CSNK1E: variants seen among roughly 807,000 people sequenced by gnomAD.
CSNK1E encodes casein kinase I isoform epsilon.
A neutral mutation model predicts 46.1 loss-of-function variants in CSNK1E; 17 were observed. The ratio of observed to expected loss-of-function variants is 0.37; its 90% CI spans 0.25 to 0.55. The LOEUF is 0.55. Ranked by LOEUF, CSNK1E falls within the 20% of genes least tolerant of loss-of-function variation. The pLI is 0.82. For missense variants in CSNK1E, 386 were observed against 595.4 expected, an observed-to-expected ratio of 0.65 and a Z score of 3.66; for synonymous variants, 241 against 242.6, an observed-to-expected ratio of 0.99 and a Z score of 0.06.
Position 38,298,333 on chromosome 22 carries a change from G to A in CSNK1E, c.885+453C>T, listed in dbSNP as rs2092652164. 1.6e-6 allele frequency: 1 copy of A among 613,468 alleles called. No individual in the cohort carries two copies. Among genetic ancestry groups the A allele is most frequent in the Admixed American group, 3.1e-5 (1 of 32,498 alleles). The allele number at this position is 613,468 out of a possible 1,614,324, so 38.0% of individuals were successfully genotyped here. A position where few individuals can be genotyped will look rare whatever the true frequency, so the allele number is the denominator to read the frequency against. ...CTTAAAAGAGGGAAACAGAACAACT[G>A]CCTAGCCAGACCCAGGGGCCCATGA... On this transcript the variant is annotated intron_variant, in intron 7 of 10. Coordinates refer to ENST00000396832, the MANE Select transcript of CSNK1E (RefSeq NM_152221.3). This position sits in a 1 kb window ranked among gnomAD's most constrained non-coding sequence, Gnocchi z 4.2.
At chr22:38,311,483 T>TCTCC (rs2092720766) in intron 2 of CSNK1E, among the ~76,000 whole-genome samples, 1 of 151,830 alleles carries the variant, frequency 6.6e-6, no homozygotes, top group South Asian at 2.1e-4. Context: ...GCCATGGGCC[T>TCTCC]GTCTCCTGTC....
In CSNK1E at chr22:38,294,608, C is replaced by T. The variant is rs1209999547; in HGVS notation, c.886-74G>A. The T allele has an allele frequency of 2.8e-6, 4 of 1,406,422 alleles. No homozygotes were observed. The highest frequency in any genetic ancestry group is 3.8e-6 in the Non-Finnish European group (4 of 1,049,528). 87.1% of individuals were successfully genotyped at this position (1,406,422 alleles called of 1,614,324 possible). On this transcript the variant is annotated intron_variant, in intron 7 of 10. Coordinates refer to ENST00000396832, the MANE Select transcript of CSNK1E (RefSeq NM_152221.3). The surrounding 1 kb of genome is among the most constrained non-coding windows in gnomAD (Gnocchi z 5.5). Reference sequence around the variant, plus strand: ...CTCTGGGCCCAGCAGCCCTGCAGGGCACAGAAGGGGAGGGAGGCCAGGTGG... The same window carrying T: ...CTCTGGGCCCAGCAGCCCTGCAGGGTACAGAAGGGGAGGGAGGCCAGGTGG...
chr22:38,310,429 T>C (rs756985861), intron 2 of CSNK1E, among the ~76,000 whole-genome samples: 1 of 152,102 alleles, frequency 6.6e-6, no homozygotes, highest in Non-Finnish European at 1.5e-5. Context: ...ATCGGGGACA[T>C]GGGTGGACTG....
At position 38,314,069 on chromosome 22, in the gene CSNK1E, T is replaced by A. The variant is rs180982614; in HGVS notation, c.76+13A>T. ...TGGCCCCAGGGGCTCCAGCTGGAGC[T>A]AGGAACACTTACCCAGGTAGATATC... On this transcript the variant is annotated intron_variant, in intron 2 of 10. Coordinates refer to ENST00000396832, the MANE Select transcript of CSNK1E (RefSeq NM_152221.3). 136 of 1,612,058 alleles carry A rather than the reference T, an allele frequency of 8.4e-5. 1 individual carries two copies. In the African/African-American group the frequency reaches 1.4e-3, roughly 17 times the overall value.
chr22:38,301,407 T>G (rs970539919), intron 4 of CSNK1E, among the ~76,000 whole-genome samples: 5 of 150,976 alleles, frequency 3.3e-5, no homozygotes, highest in African/African-American at 1.2e-4. Context: ...GATGCCAAAC[T>G]CAGACAGGCA....
intron 4 of CSNK1E, among the ~76,000 whole-genome samples, chr22:38,301,630 C>G (rs1277986632): frequency 2.0e-5 from 3 of 152,110 alleles, no homozygotes; most frequent in Non-Finnish European, 2.9e-5. Context: ...GATGGCGTTT[C>G]ACCATGATGG....
rs187490208 is a variant in CSNK1E, at chr22:38,297,508, A to G, written c.885+1278T>C. ...CAGAGAGAAGAGAAGCCCAAGACCAATGTGCCGACCTTGGCTTCCAGGAGA... is the reference window on the plus strand; with the variant it reads ...CAGAGAGAAGAGAAGCCCAAGACCAGTGTGCCGACCTTGGCTTCCAGGAGA... On this transcript the variant is annotated intron_variant, in intron 7 of 10. Coordinates refer to ENST00000396832, the MANE Select transcript of CSNK1E (RefSeq NM_152221.3). 55 of 957,374 alleles carry G rather than the reference A, an allele frequency of 5.7e-5. No individual in the cohort carries two copies. The Admixed American group carries it at 1.3e-3, about 22-fold the overall frequency. The allele number at this position is 957,374 out of a possible 1,614,324, so 59.3% of individuals were successfully genotyped here.
chr22:38,302,749 ACAAGGTCCCCTGGCC>A, intron 4 of CSNK1E, 97 bp downstream of exon 4: 2 of 1,261,820 alleles, frequency 1.6e-6, no homozygotes, highest in Non-Finnish European at 2.2e-6. Flanking sequence ...TAGCCAGTGG[ACAAGGTCCCCTGGCC>A]CAGGCCCATC....
Position 38,294,674 on chromosome 22 carries a change from C to T in CSNK1E, c.886-140G>A, listed in dbSNP as rs954973143. ...TCTGCTCCAGCCTCCCTGACAAGCG[C>T]GGGAAGCCAAGACCCACAATCACAC... On this transcript the variant is annotated intron_variant, in intron 7 of 10. Transcript: ENST00000396832. The surrounding 1 kb of genome is among the most constrained non-coding windows in gnomAD (Gnocchi z 5.5). 10 of 791,950 alleles carry T rather than the reference C, an allele frequency of 1.3e-5. No individual in the cohort carries two copies. The highest frequency in any genetic ancestry group is 2.8e-5 in the East Asian group (1 of 35,490). The allele number at this position is 791,950 out of a possible 1,614,324, so 49.1% of individuals were successfully genotyped here.
rs1223934959 is a variant in CSNK1E, at chr22:38,303,423, G to A, written c.77-175C>T. On this transcript the variant is annotated intron_variant, in intron 2 of 10. Coordinates refer to ENST00000396832, the MANE Select transcript of CSNK1E (RefSeq NM_152221.3). This position sits in a 1 kb window ranked among gnomAD's most constrained non-coding sequence, Gnocchi z 4.7. ...AAAGGAGCCCCGGCAAAGGGTTCCTGAGGGGAAAGAAGGTCAGCGCTGTGA... is the reference window on the plus strand; with the variant it reads ...AAAGGAGCCCCGGCAAAGGGTTCCTAAGGGGAAAGAAGGTCAGCGCTGTGA... Among the ~76,000 whole-genome samples the A allele has an allele frequency of 1.3e-5, 2 of 152,216 alleles. No homozygotes were observed. The highest frequency in any genetic ancestry group is 3.9e-4 in the East Asian group (2 of 5,192).
chr22:38,305,119 C>T (rs1390126988), intron 2 of CSNK1E, among the ~76,000 whole-genome samples: 1 of 65,676 alleles, frequency 1.5e-5, no homozygotes, highest in African/African-American at 6.8e-5. Context: ...GAAACTCCAG[C>T]TCAAAAAAAA....
rs548933774 is a variant in CSNK1E, at chr22:38,299,787, C to T, written c.736+108G>A. On this transcript the variant is annotated intron_variant, in intron 6 of 10. Coordinates refer to ENST00000396832, the MANE Select transcript of CSNK1E (RefSeq NM_152221.3). The stretch of plus-strand genomic sequence containing the variant: ...CCTCCCAAAGTGCCAGGACTGCAGG[C>T]GTGAACCACCGCGCCTAGCCCCAGC... 1.9e-4 allele frequency: 253 copies of T among 1,310,862 alleles called. 1 individual carries two copies. Among genetic ancestry groups the T allele is most frequent in the Non-Finnish European group, 2.6e-4 (247 of 949,696 alleles). 81.2% of individuals were successfully genotyped at this position (1,310,862 alleles called of 1,614,324 possible). A position where few individuals can be genotyped will look rare whatever the true frequency, so the allele number is the denominator to read the frequency against.
chr22:38,297,151 T>C lies in CSNK1E; in HGVS notation c.885+1635A>G, dbSNP rs1230204016. On this transcript the variant is annotated intron_variant, in intron 7 of 10. Coordinates refer to ENST00000396832, the MANE Select transcript of CSNK1E (RefSeq NM_152221.3). ...CCAATGGCTACCATCTTGGACAGTG[T>C]CCGTCTAGAGAATACAAAATCCATT... The C allele has an allele frequency of 9.0e-6, 7 of 778,872 alleles. No individual in the cohort carries two copies. The South Asian group carries it at 9.4e-5, about 10-fold the overall frequency. 48.2% of individuals were successfully genotyped at this position (778,872 alleles called of 1,614,324 possible). A position where few individuals can be genotyped will look rare whatever the true frequency, so the allele number is the denominator to read the frequency against.
chr22:38,296,878 G>A (rs1047678516), intron 7 of CSNK1E: 10 of 657,650 alleles, frequency 1.5e-5, no homozygotes, highest in Admixed American at 1.4e-4. Flanking sequence ...GGGTTCAAGC[G>A]ATTCTCCTGC....
intron 2 of CSNK1E, among the ~76,000 whole-genome samples, chr22:38,308,945 C>T (rs1302963824): frequency 6.6e-6 from 1 of 152,130 alleles, no homozygotes; most frequent in Non-Finnish European, 1.5e-5. Context: ...TCCTGGCCTT[C>T]AGCCTGAGGC....
intron 7 of CSNK1E, chr22:38,296,292 G>A (rs925587840): frequency 7.7e-7 from 1 of 1,300,210 alleles, no homozygotes; most frequent in African/African-American, 1.5e-5. Context: ...ATGGACCTCT[G>A]TCCTTGGCTG....
chr22:38,304,441 C>A (rs2092689002), intron 2 of CSNK1E, among the ~76,000 whole-genome samples: 1 of 152,192 alleles, frequency 6.6e-6, no homozygotes, highest in African/African-American at 2.4e-5. Flanking sequence ...CTGTGCACCT[C>A]TTGGGTGAAG....
At chr22:38,296,383 G>A (rs1056168847) in intron 7 of CSNK1E, 16 of 1,400,528 alleles carry the variant, frequency 1.1e-5, no homozygotes, top group Middle Eastern at 2.6e-4. Context: ...CAGGCCCCAG[G>A]GATCCACAGA....
At chr22:38,302,031 A>G (rs1279080523) in intron 4 of CSNK1E, among the ~76,000 whole-genome samples, 2 of 152,194 alleles carry the variant, frequency 1.3e-5, no homozygotes, top group Non-Finnish European at 2.9e-5. Flanking sequence ...ACAGCCTGTT[A>G]GAGGGGCCTG....
Sources: gnomAD v4.1 joint callset for allele counts (sites outside exome capture counted in the v4.1 genomes callset) on GRCh38, gnomAD v4.1.1 for gene constraint, Gnocchi (gnomAD v3.1) non-coding constraint, MANE v1.5 for transcripts, NCBI Gene and HGNC (gene_info 2026-07-23, HGNC 2026-07-21) for gene names.